Variants in DGKB observed in about 807,000 individuals in gnomAD.
DGKB encodes 90 kDa diacylglycerol kinase.
DGKB carries 67 observed loss-of-function variants against 114.3 expected under a neutral mutation model. That is an observed-to-expected ratio of 0.59 (90% CI 0.48 to 0.72). The LOEUF (loss-of-function observed/expected upper bound fraction) is 0.72. Among genes scored for constraint, DGKB ranks in the 30% least tolerant of loss-of-function variants. The probability of loss-of-function intolerance (pLI) is 0.00; values close to 1 mark genes in which losing one functional copy is unlikely to be tolerated. For synonymous variants in DGKB, 398 were observed against 323.1 expected (o/e 1.23, Z -2.49); for missense variants, 907 against 975.2 (o/e 0.93, Z 0.93).
At chr7:14,769,816 T>G (rs1837148505) in intron 2 of DGKB, among the ~76,000 whole-genome samples, 1 of 151,996 alleles carries the variant, frequency 6.6e-6, no homozygotes, top group Non-Finnish European at 1.5e-5. Flanking sequence ...ATCCCTCCAA[T>G]CTCTGCCCTG....
At chr7:14,381,238 G>C (rs1484432671) in intron 21 of DGKB, among the ~76,000 whole-genome samples, 3 of 152,112 alleles carry the variant, frequency 2.0e-5, no homozygotes, top group African/African-American at 7.2e-5. Context: ...AAGCAAGTAG[G>C]TCAGGGTGAT....
intron 20 of DGKB, among the ~76,000 whole-genome samples, chr7:14,569,669 A>G (rs1714562986): frequency 2.0e-5 from 3 of 152,118 alleles, no homozygotes; most frequent in Admixed American, 2.0e-4. Flanking sequence ...AGCATGTATA[A>G]TTTAGTAAAA....
At chr7:14,253,915 C>T (rs1240810958) in intron 23 of DGKB, among the ~76,000 whole-genome samples, 1 of 152,084 alleles carries the variant, frequency 6.6e-6, no homozygotes, top group African/African-American at 2.4e-5. Flanking sequence ...AGTTTATGCT[C>T]AGAAAACAAA....
At chr7:14,648,192 A>G (rs1018968015) in intron 13 of DGKB, among the ~76,000 whole-genome samples, 32 of 152,350 alleles carry the variant, frequency 2.1e-4, no homozygotes, top group African/African-American at 4.6e-4. Flanking sequence ...TCTGGGGGCA[A>G]GGCACAGACA....
At chr7:14,574,417 T>TA in intron 19 of DGKB, 45 bp from the exon 20 acceptor site, 2 of 1,529,584 alleles carry the variant, frequency 1.3e-6, no homozygotes, top group Middle Eastern at 1.7e-4. Flanking sequence ...TCTAACCAAA[T>TA]AAAAAAGCTG....
At chr7:14,358,017 C>G (rs1027864378) in intron 21 of DGKB, among the ~76,000 whole-genome samples, 1 of 151,998 alleles carries the variant, frequency 6.6e-6, no homozygotes, top group Non-Finnish European at 1.5e-5. Context: ...CTCTGGCTGC[C>G]CTTTACATTT....
intron 23 of DGKB, among the ~76,000 whole-genome samples, chr7:14,233,319 G>GA (rs1457301686): frequency 6.6e-6 from 1 of 152,080 alleles, no homozygotes; most frequent in African/African-American, 2.4e-5. Context: ...TGACTGAAGA[G>GA]CAATGTCAAA....
At chr7:14,893,172 C>A (rs911506229) in intron 1 of DGKB, among the ~76,000 whole-genome samples, 31 of 151,172 alleles carry the variant, frequency 2.1e-4, no homozygotes, top group African/African-American at 7.3e-4. Context: ...TCCTGAACTC[C>A]TACTCACTCA....
At chr7:14,545,487 A>C (rs1794134183) in intron 20 of DGKB, among the ~76,000 whole-genome samples, 2 of 152,226 alleles carry the variant, frequency 1.3e-5, no homozygotes, top group Admixed American at 6.5e-5. Flanking sequence ...CTGAGAAAAC[A>C]TCTCTCAAAA....
At chr7:14,683,899 G>C (rs1027688474) in intron 10 of DGKB, among the ~76,000 whole-genome samples, 36 of 151,978 alleles carry the variant, frequency 2.4e-4, no homozygotes, top group African/African-American at 7.7e-4. Flanking sequence ...AAAAACTTAT[G>C]AGCAAAATTC....
chr7:14,261,919 G>A (rs1796833547), intron 23 of DGKB, among the ~76,000 whole-genome samples: 1 of 152,114 alleles, frequency 6.6e-6, no homozygotes, highest in South Asian at 2.1e-4. Context: ...ATTCTTCCAT[G>A]TACAACTCCT....
chr7:14,953,348 C>T (rs1440886406), intron 1 of DGKB, among the ~76,000 whole-genome samples: 2 of 152,014 alleles, frequency 1.3e-5, no homozygotes, highest in African/African-American at 4.8e-5. Flanking sequence ...AGAACCCTTA[C>T]AACTCAATAA....
At chr7:14,590,339 A>G (rs7790683) in intron 17 of DGKB, among the ~76,000 whole-genome samples, 290 of 152,190 alleles carry the variant, frequency 1.9e-3, no homozygotes, top group Middle Eastern at 6.8e-3. Context: ...AGCTTAAGAA[A>G]ACTTTGTAAA....
intron 23 of DGKB, among the ~76,000 whole-genome samples, chr7:14,230,303 T>C (rs1382106493): frequency 6.6e-6 from 1 of 151,896 alleles, no homozygotes; most frequent in African/African-American, 2.4e-5. Flanking sequence ...TGATGAATGC[T>C]TTTTTTGCCT....
intron 1 of DGKB, among the ~76,000 whole-genome samples, chr7:14,843,799 A>T (rs954780772): frequency 6.6e-6 from 1 of 152,228 alleles, no homozygotes; most frequent in Non-Finnish European, 1.5e-5. Context: ...GCTAGAGCAA[A>T]GATCAAAACA....
intron 21 of DGKB, among the ~76,000 whole-genome samples, chr7:14,433,457 T>A (rs1022998553): frequency 1.5e-4 from 23 of 152,118 alleles, no homozygotes; most frequent in African/African-American, 5.5e-4. Flanking sequence ...GCTAGCTGTG[T>A]TACTTTGGGG....
intron 21 of DGKB, among the ~76,000 whole-genome samples, chr7:14,429,562 A>C (rs1025565234): frequency 6.6e-6 from 1 of 152,140 alleles, no homozygotes; most frequent in South Asian, 2.1e-4. Context: ...CATGGAAGAT[A>C]TATCTGAAGA....
chr7:14,574,534 T>G (rs1584908820), intron 19 of DGKB, among the ~76,000 whole-genome samples, 162 bp from the exon 20 acceptor site: 1 of 152,238 alleles, frequency 6.6e-6, no homozygotes, highest in Non-Finnish European at 1.5e-5. Context: ...AAGATTATAC[T>G]CATACCCACA....
At chr7:14,512,955 C>T (rs777247636) in intron 20 of DGKB, among the ~76,000 whole-genome samples, 2 of 151,930 alleles carry the variant, frequency 1.3e-5, no homozygotes, top group Admixed American at 6.6e-5. Flanking sequence ...ATTCATTCAC[C>T]AAGTAATTGT....
Sources: allele counts gnomAD v4.1 joint callset (sites outside exome capture counted in the v4.1 genomes callset), GRCh38; gene constraint gnomAD v4.1.1; transcripts MANE v1.5; gene names NCBI Gene and HGNC (gene_info 2026-07-23, HGNC 2026-07-21).